Variants in ITGA8 observed in about 807,000 individuals in gnomAD.
ITGA8 encodes the protein integrin alpha-8.
A neutral mutation model predicts 142.3 loss-of-function variants in ITGA8; 91 were observed. The ratio of observed to expected loss-of-function variants is 0.64; its 90% CI spans 0.54 to 0.76. The LOEUF (loss-of-function observed/expected upper bound fraction) is 0.76, where lower values mean the gene tolerates loss of function less well. ITGA8 is among the 30% of genes least tolerant of loss of function. ITGA8 has a pLI of 0.00. For synonymous variants in ITGA8, 505 were observed against 485.2 expected, an observed-to-expected ratio of 1.04 and a Z score of -0.54; for missense variants, 1,406 against 1,327.7, an observed-to-expected ratio of 1.06 and a Z score of -0.92.
chr10:15,610,458 G>A (rs1202039084), intron 15 of ITGA8, among the ~76,000 whole-genome samples: 1 of 152,150 alleles, frequency 6.6e-6, no homozygotes, highest in Admixed American at 6.5e-5. Flanking sequence ...AGAAATATTG[G>A]TCATTTTCAG....
rs1046254552 is a variant in ITGA8 at position 15,719,900 on chromosome 10, C to A, written c.-129G>T. 1 of 703,546 alleles carries A rather than the reference C, an allele frequency of 1.4e-6. No homozygotes were observed. Among genetic ancestry groups the A allele is most frequent in the Non-Finnish European group, 2.0e-6 (1 of 499,808 alleles). The allele number at this position is 703,546 out of a possible 1,614,324, so 43.6% of individuals were successfully genotyped here. A position where few individuals can be genotyped will look rare whatever the true frequency, so the allele number is the denominator to read the frequency against. On this transcript the variant is annotated 5_prime_UTR_variant, in exon 1 of 30. Coordinates refer to ENST00000378076, the MANE Select transcript of ITGA8 (RefSeq NM_003638.3). ...CCCGGGTCGGTGCGCTCGGCGCACC[C>A]GTGGTGACAGTGCCCGGCGTCTGCT... is the stretch of plus-strand genomic sequence containing the variant.
intron 22 of ITGA8, among the ~76,000 whole-genome samples, chr10:15,587,421 C>T (rs1432063483): frequency 6.6e-6 from 1 of 152,154 alleles, no homozygotes; most frequent in African/African-American, 2.4e-5. Flanking sequence ...CAGAGAAATA[C>T]ATAATCGAAA....
intron 13 of ITGA8, among the ~76,000 whole-genome samples, chr10:15,635,560 A>G (rs899876294): frequency 2.0e-5 from 3 of 152,104 alleles, no homozygotes; most frequent in Non-Finnish European, 2.9e-5. Context: ...ACTCATTTTC[A>G]TTTCTACTTG....
chr10:15,711,770 C>A (rs1363199121), intron 2 of ITGA8, among the ~76,000 whole-genome samples: 1 of 152,070 alleles, frequency 6.6e-6, no homozygotes, highest in Non-Finnish European at 1.5e-5. Flanking sequence ...TAATTTTACC[C>A]CCCAAAAAAA....
chr10:15,701,250 A>G (rs1253363880), intron 2 of ITGA8, among the ~76,000 whole-genome samples: 2 of 152,222 alleles, frequency 1.3e-5, no homozygotes, highest in Non-Finnish European at 2.9e-5. Context: ...GAAAGCAAGG[A>G]ATATACAGGT....
intron 8 of ITGA8, among the ~76,000 whole-genome samples, chr10:15,666,549 C>T (rs1307904069): frequency 6.6e-6 from 1 of 152,126 alleles, no homozygotes; most frequent in Non-Finnish European, 1.5e-5. Flanking sequence ...GAACTTCCAA[C>T]ACTATGTTGA....
At chr10:15,535,012 G>A (rs1025871962) in intron 27 of ITGA8, among the ~76,000 whole-genome samples, 1 of 152,194 alleles carries the variant, frequency 6.6e-6, no homozygotes, top group African/African-American at 2.4e-5. Flanking sequence ...CCTGGGCTGC[G>A]TGCGGTGCTT....
intron 27 of ITGA8, among the ~76,000 whole-genome samples, chr10:15,536,977 TACCAGAA>T (rs758737144): frequency 2.6e-5 from 4 of 152,214 alleles, no homozygotes; most frequent in African/African-American, 7.2e-5. Context: ...ATTCAATATT[TACCAGAA>T]ACCAAGCCTT....
intron 21 of ITGA8, among the ~76,000 whole-genome samples, chr10:15,594,987 C>T (rs1832989297): frequency 6.6e-6 from 1 of 152,156 alleles, no homozygotes; most frequent in African/African-American, 2.4e-5. Flanking sequence ...TAGTACCAAA[C>T]ACCAGATCTC....
At chr10:15,642,785 CT>C (rs1375499940) in intron 13 of ITGA8, among the ~76,000 whole-genome samples, 4 of 152,066 alleles carry the variant, frequency 2.6e-5, no homozygotes, top group Admixed American at 6.6e-5. Flanking sequence ...TTGCGGTATC[CT>C]TTTTGTCTAA....
At chr10:15,607,349 G>A (rs1588671791) in intron 17 of ITGA8, among the ~76,000 whole-genome samples, 1 of 152,094 alleles carries the variant, frequency 6.6e-6, no homozygotes, top group Non-Finnish European at 1.5e-5. Flanking sequence ...TACTCACATA[G>A]GAGAAAAATT....
Position 15,554,098 on chromosome 10 carries a change from A to T in ITGA8, c.2766+3976T>A, listed in dbSNP as rs76943339. Among the ~76,000 whole-genome samples, 90 of 152,318 alleles carry T rather than the reference A, an allele frequency of 5.9e-4. 1 individual carries two copies. In the East Asian group the frequency reaches 0.017, roughly 29 times the overall value. ...ATCCTACTTTATTGGACTGAAATAA[A>T]TTATTATCAGAGTTTTAAAATATTT... On this transcript the variant is annotated intron_variant, in intron 26 of 29. Coordinates refer to ENST00000378076, the MANE Select transcript of ITGA8 (RefSeq NM_003638.3).
At chr10:15,677,665 C>T (rs2131695064) in intron 5 of ITGA8, 28 bp from the exon 6 acceptor site, 1 of 1,600,460 alleles carries the variant, frequency 6.2e-7, no homozygotes, top group Admixed American at 1.7e-5. Context: ...CAACAGCAAC[C>T]ATAATTGGAA....
At position 15,604,332 on chromosome 10, in the gene ITGA8, C is replaced by T. The variant is rs763973941; in HGVS notation, c.1994G>A (p.Gly665Glu). ...TATGAGCATAAGGTGATTTTCATCT[C>T]CAATGATTACCTGATGCTTATCTCT... The part of the protein sequence containing the change: ...ARPDKHQVII[G>E]DENHLMLIIN... The change falls in exon 20 of 30, where the codon GGA (glycine) becomes GAA (glutamate). Residue 665 changes from glycine to glutamate, a missense_variant. Physicochemically the swap from Gly to Glu is moderately conservative, Grantham distance 98. Transcript: ENST00000378076. The T allele has an allele frequency of 3.7e-6, 6 of 1,611,248 alleles. No individual in the cohort carries two copies. The Admixed American group carries it at 5.0e-5, about 14-fold the overall frequency.
chr10:15,613,202 TAAAC>T (rs869304237), intron 15 of ITGA8, among the ~76,000 whole-genome samples: 14 of 18,562 alleles, frequency 7.5e-4, no homozygotes, highest in Non-Finnish European at 1.0e-3. Flanking sequence ...AATAAATAAA[TAAAC>T]AGGACATTAT....
chr10:15,587,490 C>A (rs188112478), intron 22 of ITGA8, among the ~76,000 whole-genome samples: 1 of 152,354 alleles, frequency 6.6e-6, no homozygotes, highest in Admixed American at 6.5e-5. Flanking sequence ...GCAGCAATTT[C>A]ATCTTCCTAA....
rs2277203 is a variant in ITGA8, at chr10:15,616,298, T to C, written c.1445+216A>G. Among the ~76,000 whole-genome samples the C allele has an allele frequency of 0.89, 136,134 of 152,272 alleles. 62,627 individuals are homozygous for C. The highest frequency in any genetic ancestry group is 1 in the Non-Finnish European group (67,898 of 68,040). ...CTGCTTCATTTCATATCTTATTTAATGTTATGTTCATAAAATCTGGAAGTT... is the reference window on the plus strand; with the variant it reads ...CTGCTTCATTTCATATCTTATTTAACGTTATGTTCATAAAATCTGGAAGTT... On this transcript the variant is annotated intron_variant, in intron 14 of 29. Coordinates refer to ENST00000378076, the MANE Select transcript of ITGA8 (RefSeq NM_003638.3).
rs9333100 is a variant in ITGA8 at position 15,677,306 on chromosome 10, A to G, written c.676+286T>C. Among the ~76,000 whole-genome samples the G allele has an allele frequency of 9.7e-3, 1,480 of 152,328 alleles. 28 individuals carry two copies. Among genetic ancestry groups the G allele is most frequent in the African/African-American group, 0.034 (1,397 of 41,560 alleles). On this transcript the variant is annotated intron_variant, in intron 6 of 29. Transcript: ENST00000378076. ...AGAGATTTAAAATGTTCCCAACACA[A>G]ATGATCAATGTTTGAGGTGATGGTT...
intron 2 of ITGA8, among the ~76,000 whole-genome samples, chr10:15,716,787 C>G (rs188642451): frequency 4.2e-4 from 64 of 151,088 alleles, no homozygotes; most frequent in Middle Eastern, 3.4e-3. Context: ...TCTCCTGTCT[C>G]AGCCTCCCAA....
Sources: allele counts gnomAD v4.1 joint callset (sites outside exome capture counted in the v4.1 genomes callset), GRCh38; gene constraint gnomAD v4.1.1; transcripts MANE v1.5; gene names NCBI Gene and HGNC (gene_info 2026-07-23, HGNC 2026-07-21).